DTD1: variants seen among roughly 807,000 people sequenced by gnomAD.
DTD1 encodes the protein D-tyrosyl-tRNA deacylase 1 homolog.
In DTD1, 13 loss-of-function variants were observed where a neutral mutation model predicts 25.6. The observed-to-expected ratio is 0.51, with a 90% CI of 0.33 to 0.81. The LOEUF is 0.81. DTD1 is among the 30% of genes least tolerant of loss of function. DTD1 has a pLI of 0.02. For missense variants in DTD1, 193 were observed against 266.4 expected (o/e 0.72, Z 1.92); for synonymous variants, 110 against 103.6 (o/e 1.06, Z -0.37).
chr20:18,608,167 G>A (rs977251226), intron 3 of DTD1, among the ~76,000 whole-genome samples: 3 of 151,880 alleles, frequency 2.0e-5, no homozygotes, highest in Non-Finnish European at 2.9e-5. Context: ...AGAGTTGTTC[G>A]TGGTATCCCC....
At chr20:18,762,273 A>G (rs756980223) in intron 5 of DTD1, among the ~76,000 whole-genome samples, 3 of 152,224 alleles carry the variant, frequency 2.0e-5, no homozygotes, top group Admixed American at 6.5e-5. Context: ...CCATCCAATT[A>G]GAATCTAGAT....
intron 3 of DTD1, among the ~76,000 whole-genome samples, chr20:18,598,134 C>T (rs2060619139): frequency 6.6e-6 from 1 of 152,122 alleles, no homozygotes; most frequent in Admixed American, 6.6e-5. Context: ...TCTCCTAATG[C>T]TATCCCTCCC....
At chr20:18,693,911 A>C (rs1169620162) in intron 4 of DTD1, among the ~76,000 whole-genome samples, 1 of 152,182 alleles carries the variant, frequency 6.6e-6, no homozygotes, top group Non-Finnish European at 1.5e-5. Context: ...ACGTGTAGCC[A>C]TGAAAATTAA....
At chr20:18,751,838 G>A (rs2061322393) in intron 5 of DTD1, among the ~76,000 whole-genome samples, 1 of 115,902 alleles carries the variant, frequency 8.6e-6, no homozygotes, top group Non-Finnish European at 2.1e-5. Context: ...TTCTAGACTT[G>A]TAGTTTTTTT....
chr20:18,700,777 G>A (rs979501451), intron 4 of DTD1, among the ~76,000 whole-genome samples: 1 of 152,098 alleles, frequency 6.6e-6, no homozygotes, highest in African/African-American at 2.4e-5. Context: ...GTGAAGACTT[G>A]GACTAAGGTT....
At chr20:18,719,183 A>G (rs1212313557) in intron 4 of DTD1, among the ~76,000 whole-genome samples, 2 of 152,018 alleles carry the variant, frequency 1.3e-5, no homozygotes, top group African/African-American at 4.8e-5. Flanking sequence ...AAGTTGAATA[A>G]TCTTGTAAGT....
chr20:18,737,981 G>T (rs1305617746), intron 4 of DTD1, among the ~76,000 whole-genome samples: 1 of 152,220 alleles, frequency 6.6e-6, no homozygotes, highest in African/African-American at 2.4e-5. Context: ...AGCACCCCCA[G>T]GTTCCTCTGC....
At chr20:18,724,297 A>G (rs1435306132) in intron 4 of DTD1, among the ~76,000 whole-genome samples, 1 of 152,180 alleles carries the variant, frequency 6.6e-6, no homozygotes, top group East Asian at 1.9e-4. Context: ...AGGTAGGCAC[A>G]TGGGTACCTC....
At chr20:18,643,195 G>A in intron 4 of DTD1, 1 of 243,220 alleles carries the variant, frequency 4.1e-6, no homozygotes, top group South Asian at 4.5e-5. Context: ...GATTACAGTT[G>A]TGAGCCACTA....
At chr20:18,757,034 T>A (rs1307332502) in intron 5 of DTD1, among the ~76,000 whole-genome samples, 1 of 151,316 alleles carries the variant, frequency 6.6e-6, no homozygotes, top group Admixed American at 6.6e-5. Flanking sequence ...TTGAAGCAAT[T>A]GTGAATGGGA....
chr20:18,679,355 A>G (rs969000272), intron 4 of DTD1, among the ~76,000 whole-genome samples: 3 of 152,174 alleles, frequency 2.0e-5, no homozygotes, highest in African/African-American at 7.2e-5. Flanking sequence ...CTCCCACCTT[A>G]TTATAGTCTG....
At chr20:18,720,454 ATCTG>A (rs1212456030) in intron 4 of DTD1, among the ~76,000 whole-genome samples, 1 of 152,220 alleles carries the variant, frequency 6.6e-6, no homozygotes, top group African/African-American at 2.4e-5. Context: ...TTCAGGAAAT[ATCTG>A]TCTAATTTAT....
At chr20:18,626,147 C>G (rs1364900829) in intron 3 of DTD1, among the ~76,000 whole-genome samples, 1 of 152,202 alleles carries the variant, frequency 6.6e-6, no homozygotes, top group Non-Finnish European at 1.5e-5. Context: ...CTATGATTTC[C>G]TGTACACTCA....
intron 4 of DTD1, chr20:18,632,365 T>C (rs956512152): frequency 2.0e-6 from 2 of 985,334 alleles, no homozygotes; most frequent in East Asian, 1.1e-4. Flanking sequence ...AACATTGCAC[T>C]GCGCTCTGCC....
chr20:18,594,329 G>A (rs2060601766), intron 2 of DTD1, among the ~76,000 whole-genome samples: 1 of 152,148 alleles, frequency 6.6e-6, no homozygotes, highest in African/African-American at 2.4e-5. Flanking sequence ...TACTAAGGTG[G>A]TGGCGGGGGT....
chr20:18,749,712 G>A lies in DTD1; in HGVS notation c.*19+5441G>A, dbSNP rs934486893. Among the ~76,000 whole-genome samples the A allele has an allele frequency of 1.3e-5, 2 of 152,188 alleles. No homozygotes were observed. Among genetic ancestry groups the A allele is most frequent in the African/African-American group, 4.8e-5 (2 of 41,438 alleles). On this transcript the variant is annotated intron_variant, in intron 5 of 5. Transcript: ENST00000377452. The surrounding 1 kb of genome is among the most constrained non-coding windows in gnomAD (Gnocchi z 4.2). ...TCAAGTAGCCCACCGTCCCTCAGTG[G>A]TGCAGTGTCAGGGCCCAGGTGCTGA...
chr20:18,599,790 G>A (rs1401819705), intron 3 of DTD1, among the ~76,000 whole-genome samples: 2 of 152,064 alleles, frequency 1.3e-5, no homozygotes, highest in African/African-American at 4.8e-5. Context: ...TTTTTCATAT[G>A]CTTATTTACT....
chr20:18,588,250 C>T, intron 1 of DTD1, 135 bp downstream of exon 1: 1 of 886,052 alleles, frequency 1.1e-6, no homozygotes, highest in South Asian at 5.8e-5. Flanking sequence ...TTCGCGAGCT[C>T]GGTCCGCGCA....
intron 4 of DTD1, among the ~76,000 whole-genome samples, chr20:18,728,062 TG>T (rs2061228513): frequency 2.0e-5 from 3 of 152,214 alleles, no homozygotes; most frequent in Admixed American, 2.0e-4. Context: ...GGATAGGGGA[TG>T]GGAGGGGCAT....
Sources: allele counts gnomAD v4.1 joint callset (sites outside exome capture counted in the v4.1 genomes callset), GRCh38; gene constraint gnomAD v4.1.1; non-coding constraint Gnocchi (gnomAD v3.1); transcripts MANE v1.5; gene names NCBI Gene and HGNC (gene_info 2026-07-23, HGNC 2026-07-21).